GRM5: variants seen among roughly 807,000 people sequenced by gnomAD.
GRM5 encodes metabotropic glutamate receptor 5.
GRM5 carries 19 observed loss-of-function variants against 83.1 expected under a neutral mutation model. The ratio of observed to expected loss-of-function variants is 0.23; its 90% CI spans 0.16 to 0.34. The LOEUF (loss-of-function observed/expected upper bound fraction) is 0.34. Ranked by LOEUF, GRM5 falls within the 10% of genes least tolerant of loss-of-function variation. The probability of loss-of-function intolerance (pLI) is 1.00; values close to 1 mark genes in which losing one functional copy is unlikely to be tolerated. For synonymous variants in GRM5, 675 were observed against 633.6 expected, an observed-to-expected ratio of 1.07 and a Z score of -0.98; for missense variants, 1,160 against 1,588.3, an observed-to-expected ratio of 0.73 and a Z score of 4.58.
At chr11:88,765,440 C>T (rs939411316) in intron 3 of GRM5, among the ~76,000 whole-genome samples, 1 of 146,356 alleles carries the variant, frequency 6.8e-6, no homozygotes, top group Non-Finnish European at 1.5e-5. Context: ...TCACACTTTC[C>T]AATTTAAAAC....
At chr11:88,529,086 G>A (rs920128220) in intron 8 of GRM5, among the ~76,000 whole-genome samples, 1 of 152,026 alleles carries the variant, frequency 6.6e-6, no homozygotes, top group African/African-American at 2.4e-5. Flanking sequence ...ACAGGCAGTA[G>A]AGAATCTAGT....
At chr11:88,546,575 A>T (rs767059301) in intron 8 of GRM5, among the ~76,000 whole-genome samples, 2 of 152,104 alleles carry the variant, frequency 1.3e-5, no homozygotes, top group Non-Finnish European at 2.9e-5. Context: ...TTTTAGGAAG[A>T]TGTATACACA....
intron 3 of GRM5, among the ~76,000 whole-genome samples, chr11:88,699,599 G>C (rs931015501): frequency 6.6e-6 from 1 of 152,178 alleles, no homozygotes; most frequent in Non-Finnish European, 1.5e-5. Flanking sequence ...TGCTTCGAAT[G>C]AAGGGTATAT....
intron 3 of GRM5, among the ~76,000 whole-genome samples, chr11:88,671,103 T>C (rs1274990785): frequency 6.6e-6 from 1 of 151,826 alleles, no homozygotes; most frequent in Non-Finnish European, 1.5e-5. Context: ...ATCAGCTTAG[T>C]GGGTAAGGTC....
chr11:89,030,376 T>C (rs1293830918), intron 2 of GRM5, among the ~76,000 whole-genome samples: 1 of 152,064 alleles, frequency 6.6e-6, no homozygotes, highest in African/African-American at 2.4e-5. Flanking sequence ...ACACCATCCA[T>C]CCTGGGGAAG....
chr11:88,758,851 G>C (rs1186828011), intron 3 of GRM5, among the ~76,000 whole-genome samples: 1 of 152,078 alleles, frequency 6.6e-6, no homozygotes, highest in Non-Finnish European at 1.5e-5. Context: ...AGAAAGCTCA[G>C]GTCACTTACA....
chr11:88,946,369 C>T (rs1938283200), intron 2 of GRM5, among the ~76,000 whole-genome samples: 1 of 151,952 alleles, frequency 6.6e-6, no homozygotes, highest in South Asian at 2.1e-4. Context: ...TCGACCTAGC[C>T]CTCCCATTAC....
intron 2 of GRM5, among the ~76,000 whole-genome samples, chr11:88,921,272 CAATGCTGA>C (rs1945688554): frequency 6.6e-6 from 1 of 152,154 alleles, no homozygotes; most frequent in Non-Finnish European, 1.5e-5. Flanking sequence ...TCATCTTAAT[CAATGCTGA>C]AAAGGCATTT....
chr11:88,826,642 TAAATGGCATAATGCCCATAA>T (rs943015949), intron 3 of GRM5, among the ~76,000 whole-genome samples: 6 of 152,058 alleles, frequency 3.9e-5, no homozygotes, highest in African/African-American at 1.4e-4. Flanking sequence ...CAAGAAGGAT[TAAATGGCATAATGCCCATAA>T]AAAGCATTTT....
chr11:88,999,332 C>A (rs1194461538), intron 2 of GRM5, among the ~76,000 whole-genome samples: 2 of 152,004 alleles, frequency 1.3e-5, no homozygotes, highest in Non-Finnish European at 2.9e-5. Context: ...TTTTTGCAAC[C>A]TACTCATCTT....
At chr11:88,588,312 G>A (rs529874821) in intron 7 of GRM5, among the ~76,000 whole-genome samples, 34 of 152,062 alleles carry the variant, frequency 2.2e-4, no homozygotes, top group Non-Finnish European at 4.4e-4. Context: ...GTTGTTAAAA[G>A]CACCTTGCTT....
intron 2 of GRM5, among the ~76,000 whole-genome samples, chr11:88,965,244 G>A (rs1938916416): frequency 2.0e-5 from 3 of 152,196 alleles, no homozygotes; most frequent in Non-Finnish European, 4.4e-5. Context: ...GAGGCTGGAA[G>A]TATAAGATCA....
chr11:88,533,997 T>A (rs1942077331), intron 8 of GRM5, among the ~76,000 whole-genome samples: 1 of 152,154 alleles, frequency 6.6e-6, no homozygotes, highest in African/African-American at 2.4e-5. Context: ...GCAGCTTCCA[T>A]GTGGTGTTGA....
chr11:88,771,010 A>C (rs1330938811), intron 3 of GRM5, among the ~76,000 whole-genome samples: 2 of 152,136 alleles, frequency 1.3e-5, no homozygotes, highest in African/African-American at 4.8e-5. Flanking sequence ...CCCTTACTAC[A>C]TGGCAAACCA....
chr11:88,601,612 AC>A (rs760854218), intron 5 of GRM5, among the ~76,000 whole-genome samples: 208 of 152,240 alleles, frequency 1.4e-3, no homozygotes, highest in Non-Finnish European at 2.4e-3. Context: ...GTTTTCAAAT[AC>A]TTCGCACCCA....
chr11:88,603,173 A>T (rs1349251023), intron 5 of GRM5, among the ~76,000 whole-genome samples: 1 of 152,180 alleles, frequency 6.6e-6, no homozygotes, highest in Non-Finnish European at 1.5e-5. Flanking sequence ...CTTACAACAT[A>T]TTTGGATGAT....
intron 3 of GRM5, among the ~76,000 whole-genome samples, chr11:88,769,315 T>C (rs564933874): frequency 6.6e-4 from 101 of 152,160 alleles, no homozygotes; most frequent in Non-Finnish European, 1.2e-3. Flanking sequence ...TCGTTACATG[T>C]AGAGATATTT....
chr11:88,895,141 C>T (rs1365715119), intron 2 of GRM5, among the ~76,000 whole-genome samples: 2 of 151,732 alleles, frequency 1.3e-5, no homozygotes, highest in Non-Finnish European at 2.9e-5. Context: ...CCTATTGAAA[C>T]AATTAAGAAA....
intron 2 of GRM5, among the ~76,000 whole-genome samples, chr11:88,910,581 T>A (rs960451925): frequency 6.6e-6 from 1 of 152,080 alleles, no homozygotes; most frequent in African/African-American, 2.4e-5. Flanking sequence ...TAGCTGAGGC[T>A]GTGAAGAGGG....
Sources: gnomAD v4.1 joint callset for allele counts (sites outside exome capture counted in the v4.1 genomes callset) on GRCh38, gnomAD v4.1.1 for gene constraint, MANE v1.5 for transcripts, NCBI Gene and HGNC (gene_info 2026-07-23, HGNC 2026-07-21) for gene names.